The following TNNI3K variants were observed in gnomAD, a reference collection of about 807,000 sequenced individuals.
The protein encoded by TNNI3K is TNNI3 interacting kinase, also known as serine/threonine-protein kinase TNNI3K.
TNNI3K carries 140 observed loss-of-function variants against 114.5 expected under a neutral mutation model. That is an observed-to-expected ratio of 1.22 (90% CI 1.07 to 1.41). TNNI3K has a LOEUF of 1.41. TNNI3K is among the 40% of genes most tolerant of loss of function. TNNI3K has a pLI of 0.00. For missense variants in TNNI3K, 1,125 were observed against 1,007.6 expected, an observed-to-expected ratio of 1.12 and a Z score of -1.58; for synonymous variants, 347 against 347.5, an observed-to-expected ratio of 1.00 and a Z score of 0.02.
chr1:74,338,441 C>T (rs1179832317), intron 7 of TNNI3K, among the ~76,000 whole-genome samples: 1 of 151,356 alleles, frequency 6.6e-6, no homozygotes, highest in African/African-American at 2.4e-5. Flanking sequence ...TATTTTTTGA[C>T]AAAAATTCAC....
chr1:74,320,885 TA>T (rs912528611), intron 5 of TNNI3K, among the ~76,000 whole-genome samples: 3 of 151,994 alleles, frequency 2.0e-5, no homozygotes, highest in Non-Finnish European at 4.4e-5. Context: ...GTGAGTTGAG[TA>T]GGGGGGAGGA....
chr1:74,279,112 A>G (rs895370381), intron 5 of TNNI3K, among the ~76,000 whole-genome samples: 2 of 152,170 alleles, frequency 1.3e-5, no homozygotes, highest in African/African-American at 4.8e-5. Flanking sequence ...TCTAGTCACA[A>G]AAATGTGCCT....
At chr1:74,494,542 T>C (rs1669235416) in intron 23 of TNNI3K, among the ~76,000 whole-genome samples, 1 of 152,202 alleles carries the variant, frequency 6.6e-6, no homozygotes, top group Non-Finnish European at 1.5e-5. Flanking sequence ...CATCATCATC[T>C]TCCAGTTCTA....
chr1:74,294,128 A>G (rs1214459678), intron 5 of TNNI3K, among the ~76,000 whole-genome samples: 1 of 151,708 alleles, frequency 6.6e-6, no homozygotes, highest in African/African-American at 2.4e-5. Flanking sequence ...ATATATATTT[A>G]TGGTGTACAA....
chr1:74,364,633 G>C (rs1430564936), intron 11 of TNNI3K, among the ~76,000 whole-genome samples: 1 of 151,900 alleles, frequency 6.6e-6, no homozygotes, highest in Non-Finnish European at 1.5e-5. Flanking sequence ...AAGAATCAAG[G>C]TTGTTATTTA....
chr1:74,491,439 G>A (rs530181603), intron 22 of TNNI3K, among the ~76,000 whole-genome samples: 5 of 152,098 alleles, frequency 3.3e-5, no homozygotes, highest in East Asian at 1.9e-4. Flanking sequence ...AGATGGTGTC[G>A]ATCTGTTGAC....
At chr1:74,399,449 CA>C (rs1664252904) in intron 17 of TNNI3K, among the ~76,000 whole-genome samples, 1 of 152,072 alleles carries the variant, frequency 6.6e-6, no homozygotes, top group Admixed American at 6.5e-5. Flanking sequence ...CATGGTTCAC[CA>C]CTTTCAGCCT....
chr1:74,534,579 T>C (rs1646636987), intron 23 of TNNI3K, among the ~76,000 whole-genome samples: 1 of 152,164 alleles, frequency 6.6e-6, no homozygotes, highest in Non-Finnish European at 1.5e-5. Flanking sequence ...ACTAGAGAGA[T>C]GGCACCAGAA....
intron 7 of TNNI3K, among the ~76,000 whole-genome samples, chr1:74,336,598 G>A (rs1205657948): frequency 6.6e-6 from 1 of 150,788 alleles, no homozygotes; most frequent in Non-Finnish European, 1.5e-5. Context: ...AGAATATGTG[G>A]TGTTTGGTTT....
rs756184037 is a variant in TNNI3K at position 74,403,685 on chromosome 1, A to G, written c.1773-32395A>G. On this transcript the variant is annotated intron_variant, in intron 17 of 24. Transcript: ENST00000326637. ...ATAAGCTAAATATTTGTATTTGGGG[A>G]CACACCTAGATAATTGACTGAAGTT... Among the ~76,000 whole-genome samples the G allele has an allele frequency of 1.2e-4, 19 of 152,142 alleles. 1 individual carries two copies. Among genetic ancestry groups the G allele is most frequent in the Non-Finnish European group, 2.5e-4 (17 of 68,034 alleles).
At chr1:74,377,237 A>G (rs1459970092) in intron 17 of TNNI3K, 1 of 152,038 alleles carries the variant, frequency 6.6e-6, no homozygotes, top group Non-Finnish European at 1.5e-5. Flanking sequence ...AAATGTTTTC[A>G]AAGTAATCAC....
chr1:74,480,374 A>G, intron 21 of TNNI3K: 1 of 717,620 alleles, frequency 1.4e-6, no homozygotes, highest in Non-Finnish European at 2.6e-6. Flanking sequence ...GTTTCTTAAA[A>G]ACCGAGCAAG....
At chr1:74,508,506 C>A (rs1480893192) in intron 23 of TNNI3K, among the ~76,000 whole-genome samples, 1 of 152,142 alleles carries the variant, frequency 6.6e-6, no homozygotes, top group Admixed American at 6.6e-5. Flanking sequence ...AGTTCTAGAA[C>A]TGGTGAATCT....
chr1:74,355,496 C>T (rs1346361648), intron 11 of TNNI3K, among the ~76,000 whole-genome samples: 2 of 151,902 alleles, frequency 1.3e-5, no homozygotes, highest in African/African-American at 2.4e-5. Context: ...CTCAGCTACT[C>T]GGGAGGCTGA....
intron 24 of TNNI3K, 42 bp downstream of exon 24, chr1:74,540,355 C>T (rs200306600): frequency 3.8e-5 from 60 of 1,579,300 alleles, no homozygotes; most frequent in Middle Eastern, 1.7e-4. Context: ...AAAACTACCC[C>T]TAGGAAGGTG....
intron 5 of TNNI3K, among the ~76,000 whole-genome samples, chr1:74,284,299 A>G (rs1323355678): frequency 6.6e-6 from 1 of 151,930 alleles, no homozygotes; most frequent in African/African-American, 2.4e-5. Flanking sequence ...ATCTCCGAAG[A>G]CCCTTTAGAA....
intron 5 of TNNI3K, 23 bp downstream of exon 5, chr1:74,271,731 G>A: frequency 6.3e-7 from 1 of 1,580,636 alleles, no homozygotes; most frequent in Non-Finnish European, 8.6e-7. Flanking sequence ...TTTGGCACCT[G>A]TGAAAACAAA....
At chr1:74,292,209 T>A (rs1270068347) in intron 5 of TNNI3K, among the ~76,000 whole-genome samples, 2 of 151,576 alleles carry the variant, frequency 1.3e-5, no homozygotes, top group East Asian at 3.8e-4. Context: ...TGAATTTCTC[T>A]AGTATTATAT....
At chr1:74,456,189 G>C (rs1230304671) in intron 20 of TNNI3K, among the ~76,000 whole-genome samples, 1 of 152,146 alleles carries the variant, frequency 6.6e-6, no homozygotes, top group African/African-American at 2.4e-5. Context: ...TATTGGTTTA[G>C]GGAGATTTTA....
Sources: allele counts gnomAD v4.1 joint callset (sites outside exome capture counted in the v4.1 genomes callset), GRCh38; gene constraint gnomAD v4.1.1; transcripts MANE v1.5; gene names NCBI Gene and HGNC (gene_info 2026-07-23, HGNC 2026-07-21).